Variants in NR2C1 observed in about 807,000 individuals in gnomAD.
NR2C1 encodes the protein TR2 nuclear hormone receptor.
Under a neutral mutation model 74.8 loss-of-function variants are expected in NR2C1, and 33 were observed. That is an observed-to-expected ratio of 0.44 (90% confidence interval 0.33 to 0.59). The LOEUF is 0.59. Among genes scored for constraint, NR2C1 ranks in the 20% least tolerant of loss-of-function variants. The pLI is 0.02. For synonymous variants in NR2C1, 225 were observed against 240.6 expected, an observed-to-expected ratio of 0.94 and a Z score of 0.60; for missense variants, 568 against 715.6, an observed-to-expected ratio of 0.79 and a Z score of 2.35.
At position 95,020,813 on chromosome 12, in the gene NR2C1, C is replaced by T. The variant is rs911139449; in HGVS notation, c.*1416G>A. 5 of 152,064 alleles carry T rather than the reference C, an allele frequency of 3.3e-5. No homozygotes were observed. The highest frequency in any genetic ancestry group is 4.8e-5 in the African/African-American group (2 of 41,394). 9.4% of individuals were successfully genotyped at this position (152,064 alleles called of 1,614,324 possible). A position where few individuals can be genotyped will look rare whatever the true frequency, so the allele number is the denominator to read the frequency against. ...AGAATAAATTACTGTGGAAGACATC[C>T]GAGGAGTCTAAAATGAATTTGTTGT... On this transcript the variant is annotated 3_prime_UTR_variant, in exon 14 of 14. Coordinates refer to ENST00000333003, the MANE Select transcript of NR2C1 (RefSeq NM_003297.4).
At chr12:95,046,334 C>A (rs1046531742) in intron 9 of NR2C1, among the ~76,000 whole-genome samples, 11 of 152,034 alleles carry the variant, frequency 7.2e-5, no homozygotes, top group Non-Finnish European at 1.3e-4. Context: ...ACTTGTAATC[C>A]CAGCACTTCG....
chr12:95,049,097 G>C lies in NR2C1; in HGVS notation c.1102C>G (p.Leu368Val). Residue 368 changes from leucine to valine, a missense_variant, in exon 9 of 14, where the codon CTT becomes GTT. Transcript: ENST00000333003. ...AAAGCTACATGTGAATCGCTGAGAA[G>C]TGGCCCCTCTTTTTCGGTGTAATTT... ...SINYTEKEGP[L>V]LSDSHVAFRL... 1 of 1,614,032 alleles carries C rather than the reference G, an allele frequency of 6.2e-7. No homozygotes were observed. The highest frequency in any genetic ancestry group is 8.5e-7 in the Non-Finnish European group (1 of 1,179,944).
intron 4 of NR2C1, 45 bp from the exon 5 acceptor site, chr12:95,058,534 A>G: frequency 1.3e-6 from 2 of 1,515,304 alleles, no homozygotes; most frequent in South Asian, 1.2e-5. Context: ...ACATTATTTC[A>G]GAACAGAAAT....
intron 10 of NR2C1, among the ~76,000 whole-genome samples, chr12:95,035,894 A>G (rs1870759674): frequency 6.6e-6 from 1 of 152,216 alleles, no homozygotes; most frequent in Non-Finnish European, 1.5e-5. Flanking sequence ...TATCTCACCT[A>G]TGTGATGTAG....
chr12:95,038,906 C>G (rs1224641641), intron 10 of NR2C1, among the ~76,000 whole-genome samples: 1 of 151,942 alleles, frequency 6.6e-6, no homozygotes, highest in Non-Finnish European at 1.5e-5. Flanking sequence ...AAAAAAAAAT[C>G]AATTGCCAAT....
intron 10 of NR2C1, among the ~76,000 whole-genome samples, chr12:95,032,246 G>A (rs899053500): frequency 2.6e-5 from 4 of 152,138 alleles, no homozygotes; most frequent in Non-Finnish European, 5.9e-5. Context: ...GGAGATATTA[G>A]TATCCCTATA....
intron 10 of NR2C1, 78 bp from the exon 11 acceptor site, chr12:95,031,566 C>T (rs75510133): frequency 1.8e-6 from 2 of 1,100,790 alleles, no homozygotes; most frequent in African/African-American, 1.6e-5. Context: ...AGTCCAAATA[C>T]TTAAAAACAG....
intron 12 of NR2C1, among the ~76,000 whole-genome samples, chr12:95,025,807 C>T (rs750044134): frequency 7.3e-5 from 11 of 150,550 alleles, no homozygotes; most frequent in African/African-American, 2.0e-4. Flanking sequence ...AAAAAATAAG[C>T]GGGTGTTACC....
chr12:95,028,605 G>A, intron 11 of NR2C1, 81 bp from the exon 12 acceptor site: 2 of 1,096,834 alleles, frequency 1.8e-6, no homozygotes, highest in Non-Finnish European at 2.7e-6. Context: ...TCCCTCTCAG[G>A]AATTTTGAAA....
At position 95,051,914 on chromosome 12, in the gene NR2C1, T is replaced by C. The variant is rs1245829097; in HGVS notation, c.813A>G (p.Thr271=). Residue 271 remains threonine, a synonymous_variant, in exon 8 of 14, where the codon ACA becomes ACG. Transcript: ENST00000333003. ...KAESCQGDLS[T]LANVVTSLAN... is the part of the protein sequence containing the mutation. ...CTAATGATGTAACCACATTGGCCAA[T>C]GTACTTAAATCTCCCTGACATGATT... 1.3e-6 allele frequency: 2 copies of C among 1,596,830 alleles called. No individual in the cohort carries two copies. The highest frequency in any genetic ancestry group is 1.7e-6 in the Non-Finnish European group (2 of 1,175,352).
chr12:95,057,457 T>A, intron 7 of NR2C1, 96 bp downstream of exon 7: 1 of 887,660 alleles, frequency 1.1e-6, no homozygotes, highest in South Asian at 1.9e-5. Context: ...ATATGGAATA[T>A]TTAAGAACAA....
At chr12:95,030,686 T>G in intron 11 of NR2C1, 1 of 1,602,564 alleles carries the variant, frequency 6.2e-7, no homozygotes. Context: ...CAATAAGAAA[T>G]AGAATATGCT....
chr12:95,048,508 C>T (rs935570222), intron 9 of NR2C1, among the ~76,000 whole-genome samples: 1 of 152,156 alleles, frequency 6.6e-6, no homozygotes, highest in African/African-American at 2.4e-5. Flanking sequence ...ATTATCTTAT[C>T]TACATAAGGC....
At chr12:95,050,630 A>G (rs995306604) in intron 8 of NR2C1, among the ~76,000 whole-genome samples, 3 of 151,396 alleles carry the variant, frequency 2.0e-5, no homozygotes, top group Non-Finnish European at 2.9e-5. Context: ...TTTTTATCAT[A>G]TCTTTTTTTT....
intron 1 of NR2C1, among the ~76,000 whole-genome samples, chr12:95,071,474 T>C (rs891469441): frequency 6.6e-6 from 1 of 152,132 alleles, no homozygotes; most frequent in African/African-American, 2.4e-5. Flanking sequence ...TTGTTTTTAT[T>C]CCCCAAGAGT....
chr12:95,063,674 CA>C (rs34653320), intron 2 of NR2C1, among the ~76,000 whole-genome samples: 2,995 of 139,156 alleles, frequency 0.022, 41 homozygotes, highest in African/African-American at 0.05. Context: ...GACCCTGTCT[CA>C]AAAAAAAAAA....
intron 10 of NR2C1, among the ~76,000 whole-genome samples, chr12:95,032,266 C>G (rs1870220138): frequency 6.6e-6 from 1 of 152,058 alleles, no homozygotes; most frequent in South Asian, 2.1e-4. Flanking sequence ...AAATAAGATA[C>G]CCAGGATTTT....
In NR2C1 at chr12:95,060,003, A is replaced by G. The variant is rs1224642428; in HGVS notation, c.286-19T>C. The G allele has an allele frequency of 4.4e-5, 67 of 1,538,366 alleles. No individual in the cohort carries two copies. The highest frequency in any genetic ancestry group is 1.3e-4 in the South Asian group (11 of 81,816). Reference sequence around the variant, plus strand: ...TTAGGAGCTAAAAAAAAAAAAAAAAAAAAAGAAAACAAAAACGAAAACCTG... The same window carrying G: ...TTAGGAGCTAAAAAAAAAAAAAAAAGAAAAGAAAACAAAAACGAAAACCTG... On this transcript the variant is annotated intron_variant, in intron 3 of 13. Coordinates refer to ENST00000333003, the MANE Select transcript of NR2C1 (RefSeq NM_003297.4).
At chr12:95,033,739 C>T (rs1870446534) in intron 10 of NR2C1, among the ~76,000 whole-genome samples, 1 of 152,196 alleles carries the variant, frequency 6.6e-6, no homozygotes, top group Admixed American at 6.5e-5. Flanking sequence ...TCACTGAAGG[C>T]AGAGACTCCC....
Sources: allele counts gnomAD v4.1 joint callset (sites outside exome capture counted in the v4.1 genomes callset), GRCh38; gene constraint gnomAD v4.1.1; transcripts MANE v1.5; gene names NCBI Gene and HGNC (gene_info 2026-07-23, HGNC 2026-07-21).